The following MAU2 variants were observed in gnomAD, a reference collection of about 807,000 sequenced individuals.
MAU2 encodes MAU2 chromatid cohesion factor homolog.
A neutral mutation model predicts 89.1 loss-of-function variants in MAU2; 9 were observed. The observed-to-expected ratio is 0.10, with a 90% CI of 0.06 to 0.18. The LOEUF (loss-of-function observed/expected upper bound fraction) is 0.18, where lower values mean the gene tolerates loss of function less well. MAU2 is among the 10% of genes least tolerant of loss of function. MAU2 has a pLI of 1.00. For missense variants in MAU2, 425 were observed against 803.5 expected (o/e 0.53, Z 5.69); for synonymous variants, 357 against 343.4 (o/e 1.04, Z -0.44).
Position 19,349,453 on chromosome 19 carries a change from G to A in MAU2, c.1548+17G>A. 11 of 1,609,246 alleles carry A rather than the reference G, an allele frequency of 6.8e-6. No individual in the cohort carries two copies. Among genetic ancestry groups the A allele is most frequent in the Non-Finnish European group, 9.3e-6 (11 of 1,176,620 alleles). On this transcript the variant is annotated intron_variant, in intron 16 of 18. Coordinates refer to ENST00000262815, the MANE Select transcript of MAU2 (RefSeq NM_015329.4). The stretch of plus-strand genomic sequence containing the variant: ...AACCACAGGGTGAGTGCCCTGGCCT[G>A]GGCCCCTCGCTTGGGTGCCTGTGGG...
chr19:19,350,066 G>A (rs542504792), intron 16 of MAU2, among the ~76,000 whole-genome samples: 2 of 150,918 alleles, frequency 1.3e-5, no homozygotes, highest in South Asian at 2.1e-4. Context: ...AGGCCAAGGC[G>A]GGCAGATCAC....
chr19:19,325,074 T>TG (rs756923754), intron 1 of MAU2, among the ~76,000 whole-genome samples: 7 of 152,222 alleles, frequency 4.6e-5, no homozygotes, highest in Non-Finnish European at 1.0e-4. Flanking sequence ...AGTGTCTTCT[T>TG]GGAGAGCCAA....
chr19:19,354,562 C>A, intron 17 of MAU2, 117 bp downstream of exon 17: 1 of 875,748 alleles, frequency 1.1e-6, no homozygotes, highest in Non-Finnish European at 1.8e-6. Context: ...GGGCCGCAGC[C>A]CCAGTTCTAG....
At chr19:19,339,904 C>G (rs989493021) in intron 5 of MAU2, among the ~76,000 whole-genome samples, 6 of 151,106 alleles carry the variant, frequency 4.0e-5, no homozygotes, top group Admixed American at 3.3e-4. Context: ...CGCAGTGGCT[C>G]ACACCTGTAA....
At chr19:19,348,286 T>G (rs934528022) in intron 13 of MAU2, 1 of 167,336 alleles carries the variant, frequency 6.0e-6, no homozygotes, top group African/African-American at 2.4e-5. Flanking sequence ...TTGCTTGAGC[T>G]AGGGAGATTG....
chr19:19,344,293 T>A (rs774969577), intron 10 of MAU2: 62 of 281,822 alleles, frequency 2.2e-4, no homozygotes, highest in South Asian at 4.7e-4. Context: ...ACACCTGTAA[T>A]CCCAGTTACT....
intron 1 of MAU2, among the ~76,000 whole-genome samples, chr19:19,327,445 C>A (rs1383809419): frequency 6.6e-6 from 1 of 152,056 alleles, no homozygotes; most frequent in African/African-American, 2.4e-5. Context: ...CCTGCCTCAG[C>A]CTCCTGAGTA....
intron 10 of MAU2, 110 bp from the exon 11 acceptor site, chr19:19,344,739 G>T: frequency 1.2e-6 from 1 of 810,428 alleles, no homozygotes. Flanking sequence ...ACCCCAGTTT[G>T]GTCAGACAGG....
rs547587198 is a variant in MAU2 at position 19,330,467 on chromosome 19, G to T, written c.277-5251G>T. 7.9e-5 allele frequency among the ~76,000 whole-genome samples: 12 copies of T among 151,820 alleles called. No homozygotes were observed. In the South Asian group the frequency reaches 2.3e-3, roughly 29 times the overall value. ...AAACAATTAGTTGGGCCTGCCAGGC[G>T]CCATGGCTCACGCCTGTAATCCCAG... On this transcript the variant is annotated intron_variant, in intron 1 of 18. Transcript: ENST00000262815.
chr19:19,336,418 G>C (rs959203572), intron 3 of MAU2, among the ~76,000 whole-genome samples: 2 of 152,072 alleles, frequency 1.3e-5, no homozygotes, highest in Admixed American at 6.6e-5. Context: ...TCCCACCTCA[G>C]CCTCCCGAGC....
intron 4 of MAU2, among the ~76,000 whole-genome samples, chr19:19,337,815 T>C (rs1316928252): frequency 6.6e-6 from 1 of 152,200 alleles, no homozygotes; most frequent in Non-Finnish European, 1.5e-5. Flanking sequence ...CATGCTCCCT[T>C]TGGCCCCCCC....
intron 12 of MAU2, 186 bp from the exon 13 acceptor site, chr19:19,347,094 G>A (rs1420354866): frequency 3.5e-6 from 2 of 573,910 alleles, no homozygotes; most frequent in Admixed American, 6.2e-5. Context: ...GCAGATGATG[G>A]TTTTATAATG....
chr19:19,343,313 T>C lies in MAU2; in HGVS notation c.973+447T>C, dbSNP rs137872398. The stretch of plus-strand genomic sequence containing the variant: ...CCAGAGCAGACGTCCCTGGCTGGTA[T>C]AGTGTGCCCATTAGTCGGTCTGTTT... On this transcript the variant is annotated intron_variant, in intron 9 of 18. Coordinates refer to ENST00000262815, the MANE Select transcript of MAU2 (RefSeq NM_015329.4). Among the ~76,000 whole-genome samples the C allele has an allele frequency of 3.2e-3, 492 of 152,300 alleles. 4 individuals are homozygous for C. The highest frequency in any genetic ancestry group is 0.011 in the African/African-American group (451 of 41,574).
At chr19:19,347,816 T>A (rs921000583) in intron 13 of MAU2, 1 of 156,502 alleles carries the variant, frequency 6.4e-6, no homozygotes, top group Admixed American at 6.4e-5. Context: ...CACGTGGCGC[T>A]TCTGAACCAA....
In MAU2 at chr19:19,327,365, G is replaced by A. The variant is rs1394863369; in HGVS notation, c.276+6230G>A. On this transcript the variant is annotated intron_variant, in intron 1 of 18. Coordinates refer to ENST00000262815, the MANE Select transcript of MAU2 (RefSeq NM_015329.4). ...TTTTGAGACAGAGTCTCGCTCTGTCGCCCAGGCTGGAGTGCAATGGCGCGA... is the reference window on the plus strand; with the variant it reads ...TTTTGAGACAGAGTCTCGCTCTGTCACCCAGGCTGGAGTGCAATGGCGCGA... Among the ~76,000 whole-genome samples, 3 of 150,986 alleles carry A rather than the reference G, an allele frequency of 2.0e-5. 1 individual carries two copies. Among genetic ancestry groups the A allele is most frequent in the Admixed American group, 6.6e-5 (1 of 15,120 alleles).
chr19:19,322,600 A>G (rs1315742937), intron 1 of MAU2, among the ~76,000 whole-genome samples: 1 of 152,190 alleles, frequency 6.6e-6, no homozygotes, highest in South Asian at 2.1e-4. Flanking sequence ...CCTGTCTCAG[A>G]AAAAAAAGAT....
rs1394898224 is a variant in MAU2, at chr19:19,349,077, C to G, written c.1359-78C>G. On this transcript the variant is annotated intron_variant, in intron 14 of 18. Coordinates refer to ENST00000262815, the MANE Select transcript of MAU2 (RefSeq NM_015329.4). Reference sequence around the variant, plus strand: ...CTGCAGTGGGGGCTCTCAGAAATAGCCCCCAGCTGCCCACTGCCGTTTTGT... The same window carrying G: ...CTGCAGTGGGGGCTCTCAGAAATAGGCCCCAGCTGCCCACTGCCGTTTTGT... 4.5e-6 allele frequency: 7 copies of G among 1,568,752 alleles called. No individual in the cohort carries two copies. In the South Asian group the frequency reaches 7.8e-5, roughly 18 times the overall value.
rs149341168 is a variant in MAU2, at chr19:19,355,331, G to A, written c.1707G>A (p.Ser569=). The change falls in exon 18 of 19, where the codon TCG becomes TCA. Residue 569 remains serine, a synonymous_variant. Transcript: ENST00000262815. Reference sequence around the variant, plus strand: ...CCGCCCAGATGCACCAGAACTTCTCGCAGCAGCTGCTCCAGGACCACATTG... The same window carrying A: ...CCGCCCAGATGCACCAGAACTTCTCACAGCAGCTGCTCCAGGACCACATTG... ...HEAAQMHQNF[S]QQLLQDHIEA... 7 of 1,614,102 alleles carry A rather than the reference G, an allele frequency of 4.3e-6. No individual in the cohort carries two copies. The highest frequency in any genetic ancestry group is 2.7e-5 in the African/African-American group (2 of 75,048).
rs183448909 is a variant in MAU2 at position 19,351,918 on chromosome 19, G to A, written c.1549-2437G>A. 4.8e-3 allele frequency among the ~76,000 whole-genome samples: 676 copies of A among 141,436 alleles called. 4 individuals carry two copies. Among genetic ancestry groups the A allele is most frequent in the African/African-American group, 0.016 (589 of 37,506 alleles). 92.8% of individuals were successfully genotyped at this position (141,436 alleles called of 152,430 possible). A position where few individuals can be genotyped will look rare whatever the true frequency, so the allele number is the denominator to read the frequency against. ...GGCTGGAGTGTAGTGGTGTGATCTCGGCTCACTGCAACCTCTACCTCCCAG... is the reference window on the plus strand; with the variant it reads ...GGCTGGAGTGTAGTGGTGTGATCTCAGCTCACTGCAACCTCTACCTCCCAG... On this transcript the variant is annotated intron_variant, in intron 16 of 18. Transcript: ENST00000262815.
Sources: gnomAD v4.1 joint callset for allele counts (sites outside exome capture counted in the v4.1 genomes callset) on GRCh38, gnomAD v4.1.1 for gene constraint, MANE v1.5 for transcripts, NCBI Gene and HGNC (gene_info 2026-07-23, HGNC 2026-07-21) for gene names.